TRIM14: variants seen among roughly 807,000 people sequenced by gnomAD.
The protein encoded by TRIM14 is tripartite motif containing 14.
TRIM14 carries 28 observed loss-of-function variants against 44.5 expected under a neutral mutation model. The observed-to-expected ratio is 0.63, with a 90% CI of 0.47 to 0.86. The LOEUF (loss-of-function observed/expected upper bound fraction) is 0.86. Among genes scored for constraint, TRIM14 ranks in the 40% least tolerant of loss-of-function variants. TRIM14 has a pLI of 0.00. For synonymous variants in TRIM14, 299 were observed against 269.2 expected (o/e 1.11, Z -1.08); for missense variants, 607 against 611.1 (o/e 0.99, Z 0.07).
intron 2 of TRIM14, among the ~76,000 whole-genome samples, chr9:98,108,798 C>A (rs981255765): frequency 6.6e-6 from 1 of 151,632 alleles, no homozygotes; most frequent in African/African-American, 2.4e-5. Flanking sequence ...TGTGGCCTGG[C>A]CTGGTCACAG....
downstream of TRIM14, chr9:98,082,895 T>TAACA (rs750119071): frequency 5.6e-6 from 9 of 1,614,162 alleles, no homozygotes; most frequent in African/African-American, 2.7e-5. Flanking sequence ...GGCACCATTC[T>TAACA]AACAATGGAC....
At chr9:98,093,395 C>T (rs1396739127) in intron 4 of TRIM14, among the ~76,000 whole-genome samples, 1 of 152,194 alleles carries the variant, frequency 6.6e-6, no homozygotes, top group Non-Finnish European at 1.5e-5. Context: ...TGTGTAAGAG[C>T]TCATTTAATC....
the TRIM14 span, among the ~76,000 whole-genome samples, chr9:98,039,874 C>T: frequency 6.6e-6 from 1 of 152,134 alleles, no homozygotes; most frequent in Non-Finnish European, 1.5e-5. Flanking sequence ...CAGCCTCCCG[C>T]ACAGCCGGCT....
At chr9:98,082,576 C>T (rs967290834), downstream of TRIM14, among the ~76,000 whole-genome samples, 3 of 152,238 alleles carry the variant, frequency 2.0e-5, no homozygotes, top group African/African-American at 4.8e-5. Flanking sequence ...ACCCCACAGA[C>T]TGGGATTTGA....
At chr9:98,038,085 G>A in the TRIM14 span, among the ~76,000 whole-genome samples, 2 of 151,746 alleles carry the variant, frequency 1.3e-5, no homozygotes, top group Non-Finnish European at 1.5e-5. Context: ...GAGTCTTTCT[G>A]TGTCACCCAG....
At chr9:98,061,599 G>A in the TRIM14 span, among the ~76,000 whole-genome samples, 2 of 150,956 alleles carry the variant, frequency 1.3e-5, no homozygotes, top group East Asian at 2.0e-4. Flanking sequence ...GGCCAACATG[G>A]TGAAACCCTG....
chr9:98,039,178 T>G, the TRIM14 span, among the ~76,000 whole-genome samples: 1 of 152,060 alleles, frequency 6.6e-6, no homozygotes, highest in Non-Finnish European at 1.5e-5. Flanking sequence ...AGAGACAGAC[T>G]CTCACTCCAT....
the TRIM14 span, among the ~76,000 whole-genome samples, chr9:98,057,679 G>GCCATA: frequency 6.6e-6 from 1 of 152,054 alleles, no homozygotes; most frequent in African/African-American, 2.4e-5. Flanking sequence ...TGTTGGGACT[G>GCCATA]CCATATTCTT....
At chr9:98,118,898 C>T in intron 1 of TRIM14, 84 bp downstream of exon 1, 1 of 1,377,740 alleles carries the variant, frequency 7.3e-7, no homozygotes, top group South Asian at 1.6e-5. Flanking sequence ...CTGGCCACGG[C>T]CAGGCACGCC....
At chr9:98,066,507 G>A (rs1651187785), downstream of TRIM14, among the ~76,000 whole-genome samples, 8 of 152,276 alleles carry the variant, frequency 5.3e-5, no homozygotes, top group South Asian at 1.7e-3. Context: ...GTACAATTCA[G>A]TGGTGTTTAG....
chr9:98,087,254 G>A lies in TRIM14; in HGVS notation c.*216C>T, dbSNP rs749569337. On this transcript the variant is annotated 3_prime_UTR_variant, in exon 6 of 6. Coordinates refer to ENST00000341469, the MANE Select transcript of TRIM14 (RefSeq NM_014788.4). Reference sequence around the variant, plus strand: ...TGGGGTGAGGGTGCGGAGGTCTGATGAGAGGGCAGCAGCAGACTTGTTTAG... The same window carrying A: ...TGGGGTGAGGGTGCGGAGGTCTGATAAGAGGGCAGCAGCAGACTTGTTTAG... The A allele has an allele frequency of 3.6e-5, 29 of 815,598 alleles. No individual in the cohort carries two copies. Among genetic ancestry groups the A allele is most frequent in the Non-Finnish European group, 5.3e-5 (24 of 451,286 alleles). 50.5% of individuals were successfully genotyped at this position (815,598 alleles called of 1,614,324 possible).
At position 98,087,955 on chromosome 9, in the gene TRIM14, G is replaced by C; in HGVS notation, c.844C>G (p.Leu282Val). Residue 282 changes from leucine to valine, a missense_variant, in exon 6 of 6, where the codon CTG (leucine) becomes GTG (valine). This residue lies in a region of TRIM14 where 356 missense variants were observed against 323.0 expected (regional missense o/e 1.10). Coordinates refer to ENST00000341469, the MANE Select transcript of TRIM14 (RefSeq NM_014788.4). ...CGCACCGTCAGGCGATCGGCGGACA[G>C]GCGCAGGCGCGCGTGCATCGTGTCA... ...DPDTMHARLR[L>V]SADRLTVRCG... The C allele has an allele frequency of 6.4e-7, 1 of 1,564,922 alleles. No individual in the cohort carries two copies. The highest frequency in any genetic ancestry group is 8.6e-7 in the Non-Finnish European group (1 of 1,166,144).
the TRIM14 span, among the ~76,000 whole-genome samples, chr9:98,043,420 A>G: frequency 1.3e-5 from 2 of 152,054 alleles, no homozygotes; most frequent in Non-Finnish European, 2.9e-5. Flanking sequence ...GCCCACCTCA[A>G]CCTTCCAAAG....
intron 2 of TRIM14, among the ~76,000 whole-genome samples, chr9:98,100,705 T>A (rs964648894): frequency 6.6e-6 from 1 of 152,120 alleles, no homozygotes; most frequent in Non-Finnish European, 1.5e-5. Context: ...AGGTCAAAAG[T>A]ACAAAATAAA....
downstream of TRIM14, among the ~76,000 whole-genome samples, chr9:98,066,365 G>A (rs1049796804): frequency 1.3e-5 from 2 of 152,134 alleles, no homozygotes; most frequent in African/African-American, 4.8e-5. Flanking sequence ...AGTATATAGT[G>A]GAGTTTTCCA....
chr9:98,074,255 G>A (rs1587919704), intron 6 of TRIM14, among the ~76,000 whole-genome samples: 1 of 152,188 alleles, frequency 6.6e-6, no homozygotes, highest in South Asian at 2.1e-4. Flanking sequence ...CTGGGAGCCC[G>A]AGGAGAGTTG....
chr9:98,084,601 A>G lies in TRIM14; in HGVS notation c.*2869T>C, dbSNP rs1389165794. On this transcript the variant is annotated 3_prime_UTR_variant, in exon 6 of 6. Transcript: ENST00000341469. ...AGCTGGGAATACCAGTAGTCTCAGCACTCGGTCAGTACCGTGCAAGCTCCC... is the reference window on the plus strand; with the variant it reads ...AGCTGGGAATACCAGTAGTCTCAGCGCTCGGTCAGTACCGTGCAAGCTCCC... 2.0e-5 allele frequency: 3 copies of G among 152,146 alleles called. No homozygotes were observed. The highest frequency in any genetic ancestry group is 2.9e-5 in the Non-Finnish European group (2 of 68,028). 9.4% of individuals were successfully genotyped at this position (152,146 alleles called of 1,614,324 possible).
chr9:98,090,333 G>T (rs1475489444), intron 5 of TRIM14, among the ~76,000 whole-genome samples: 1 of 152,066 alleles, frequency 6.6e-6, no homozygotes, highest in East Asian at 1.9e-4. Context: ...AACACAGAAG[G>T]GTATAGTGTG....
At chr9:98,091,274 T>C (rs1021321704) in intron 5 of TRIM14, among the ~76,000 whole-genome samples, 2 of 152,160 alleles carry the variant, frequency 1.3e-5, no homozygotes, top group Non-Finnish European at 2.9e-5. Context: ...TGCAATGCCA[T>C]GCAACCTCTA....
Sources: allele counts gnomAD v4.1 joint callset (sites outside exome capture counted in the v4.1 genomes callset), GRCh38; gene constraint gnomAD v4.1.1; regional missense constraint gnomAD v4.1.1; transcripts MANE v1.5; gene names NCBI Gene and HGNC (gene_info 2026-07-23, HGNC 2026-07-21).